Variants in ADCY5 observed in about 807,000 individuals in gnomAD.
ADCY5 encodes the protein adenylate cyclase type 5.
ADCY5 carries 30 observed loss-of-function variants against 119.7 expected under a neutral mutation model. The ratio of observed to expected loss-of-function variants is 0.25; its 90% CI spans 0.19 to 0.34. The LOEUF (loss-of-function observed/expected upper bound fraction) is 0.34, where lower values mean the gene tolerates loss of function less well. Ranked by LOEUF, ADCY5 falls within the 10% of genes least tolerant of loss-of-function variation. The pLI is 1.00. For synonymous variants in ADCY5, 753 were observed against 762.2 expected (o/e 0.99, Z 0.20); for missense variants, 1,324 against 1,775.2 (o/e 0.75, Z 4.57).
At chr3:123,413,483 G>C (rs781171584) in intron 1 of ADCY5, among the ~76,000 whole-genome samples, 1 of 152,178 alleles carries the variant, frequency 6.6e-6, no homozygotes. Flanking sequence ...GCTTGCAGAG[G>C]GCCTCCCCTC....
chr3:123,404,350 C>CA (rs1464207144), intron 1 of ADCY5: 1 of 152,242 alleles, frequency 6.6e-6, no homozygotes, highest in Non-Finnish European at 1.5e-5. Flanking sequence ...CCTTGCCAGA[C>CA]ACAGTGGGTG....
chr3:123,408,165 G>A (rs1440331686), intron 1 of ADCY5, among the ~76,000 whole-genome samples: 1 of 152,040 alleles, frequency 6.6e-6, no homozygotes, highest in African/African-American at 2.4e-5. Flanking sequence ...TGATGCCTGG[G>A]ACACATTAAG....
chr3:123,422,987 T>A (rs1210732443), intron 1 of ADCY5, among the ~76,000 whole-genome samples: 1 of 152,108 alleles, frequency 6.6e-6, no homozygotes, highest in Non-Finnish European at 1.5e-5. Flanking sequence ...GGAAGGAGCA[T>A]CAGGGCTGAC....
chr3:123,429,069 TGAGC>T (rs1175379115), intron 1 of ADCY5, among the ~76,000 whole-genome samples: 1 of 152,194 alleles, frequency 6.6e-6, no homozygotes, highest in Non-Finnish European at 1.5e-5. Flanking sequence ...GAGGGTCAAA[TGAGC>T]TACTAAGTGT....
chr3:123,321,558 C>T (rs1035747787), intron 8 of ADCY5, among the ~76,000 whole-genome samples: 15 of 152,160 alleles, frequency 9.9e-5, no homozygotes, highest in South Asian at 4.2e-4. Flanking sequence ...AGAGGTGGTG[C>T]GGAAGGTGAC....
At chr3:123,432,103 C>G (rs1329182663) in intron 1 of ADCY5, among the ~76,000 whole-genome samples, 1 of 152,166 alleles carries the variant, frequency 6.6e-6, no homozygotes, top group Non-Finnish European at 1.5e-5. Flanking sequence ...AAGTCTCAGC[C>G]CTGGGCATTC....
At chr3:123,343,714 G>A (rs1942389364) in intron 3 of ADCY5, among the ~76,000 whole-genome samples, 1 of 152,168 alleles carries the variant, frequency 6.6e-6, no homozygotes, top group Non-Finnish European at 1.5e-5. Flanking sequence ...CAGGTGTGGG[G>A]AGGGCACAGC....
intron 19 of ADCY5, among the ~76,000 whole-genome samples, chr3:123,288,539 A>T (rs1217118673): frequency 2.0e-5 from 3 of 152,192 alleles, no homozygotes; most frequent in Non-Finnish European, 4.4e-5. Context: ...ACCCTCGGTA[A>T]GACCTATTCT....
At chr3:123,360,845 A>G (rs979840060) in intron 1 of ADCY5, among the ~76,000 whole-genome samples, 3 of 152,218 alleles carry the variant, frequency 2.0e-5, no homozygotes, top group Non-Finnish European at 4.4e-5. Flanking sequence ...ACTTTCTCAC[A>G]TGTAGTTCAT....
intron 1 of ADCY5, among the ~76,000 whole-genome samples, chr3:123,397,203 C>T (rs1198716214): frequency 6.6e-6 from 1 of 152,192 alleles, no homozygotes; most frequent in Non-Finnish European, 1.5e-5. Flanking sequence ...TTCCTTACTG[C>T]TCGCTGCAGC....
chr3:123,303,858 G>A (rs201537806), intron 13 of ADCY5, among the ~76,000 whole-genome samples: 2 of 120,290 alleles, frequency 1.7e-5, no homozygotes, highest in African/African-American at 7.9e-5. Context: ...GAAGAGAAGA[G>A]AAGAGAAGAG....
Position 123,329,756 on chromosome 3 carries a change from G to A in ADCY5, c.1647-954C>T, listed in dbSNP as rs189416549. On this transcript the variant is annotated intron_variant, in intron 5 of 20. Coordinates refer to ENST00000462833, the MANE Select transcript of ADCY5 (RefSeq NM_183357.3). ...ACCCCATCCCACGCCATCAGCAAGA[G>A]GCTGACACCCACTGCAGGGGAGACT... is the stretch of plus-strand genomic sequence containing the variant. 3.2e-3 allele frequency among the ~76,000 whole-genome samples: 482 copies of A among 152,252 alleles called. 2 individuals are homozygous for A. The highest frequency in any genetic ancestry group is 6.8e-3 in the Middle Eastern group (2 of 294).
chr3:123,342,377 T>C (rs11929679), intron 3 of ADCY5, among the ~76,000 whole-genome samples: 151,244 of 152,288 alleles, frequency 0.99, 75,119 homozygotes, highest in East Asian at 1. Context: ...ACCTTAAAAG[T>C]GGGAGGTGTT....
intron 1 of ADCY5, among the ~76,000 whole-genome samples, chr3:123,382,148 C>T (rs573616647): frequency 6.6e-6 from 1 of 152,318 alleles, no homozygotes; most frequent in African/African-American, 2.4e-5. Context: ...CTGCATGGGA[C>T]ACTCTTAAGC....
intron 1 of ADCY5, among the ~76,000 whole-genome samples, chr3:123,446,028 C>A (rs1327095132): frequency 2.6e-5 from 4 of 152,130 alleles, no homozygotes; most frequent in Non-Finnish European, 5.9e-5. Context: ...CAGCTTGGGG[C>A]AGAGGACGTT....
At chr3:123,384,899 G>A (rs1944166534) in intron 1 of ADCY5, among the ~76,000 whole-genome samples, 1 of 152,056 alleles carries the variant, frequency 6.6e-6, no homozygotes, top group South Asian at 2.1e-4. Flanking sequence ...ACTGTCAGAG[G>A]GTGCAGGCAC....
intron 6 of ADCY5, among the ~76,000 whole-genome samples, chr3:123,328,081 T>C (rs1370595688): frequency 1.3e-5 from 2 of 152,234 alleles, no homozygotes; most frequent in Non-Finnish European, 2.9e-5. Flanking sequence ...CAATGGCTCC[T>C]GCACGCGACA....
At chr3:123,292,702 C>A (rs770827740) in intron 17 of ADCY5, among the ~76,000 whole-genome samples, 1 of 152,030 alleles carries the variant, frequency 6.6e-6, no homozygotes, top group Non-Finnish European at 1.5e-5. Flanking sequence ...GCTATGCCCA[C>A]GGGAGAAGGC....
intron 7 of ADCY5, among the ~76,000 whole-genome samples, chr3:123,326,511 A>C (rs1038598638): frequency 1.3e-5 from 2 of 152,138 alleles, no homozygotes; most frequent in Non-Finnish European, 2.9e-5. Context: ...AGAGCCAGGG[A>C]ACTCAGGGTC....
Sources: gnomAD v4.1 joint callset for allele counts (sites outside exome capture counted in the v4.1 genomes callset) on GRCh38, gnomAD v4.1.1 for gene constraint, MANE v1.5 for transcripts, NCBI Gene and HGNC (gene_info 2026-07-23, HGNC 2026-07-21) for gene names.